Variants in PSG11 observed in about 807,000 individuals in gnomAD.
The protein encoded by PSG11 is pregnancy specific beta-1-glycoprotein 11.
Under a neutral mutation model 36.0 loss-of-function variants are expected in PSG11, and 42 were observed. That is an observed-to-expected ratio of 1.17 (90% CI 0.91 to 1.51). The LOEUF (loss-of-function observed/expected upper bound fraction) is 1.51. Among genes scored for constraint, PSG11 ranks in the 40% most tolerant of loss-of-function variants. The pLI is 0.00. For synonymous variants in PSG11, 206 were observed against 153.5 expected, an observed-to-expected ratio of 1.34 and a Z score of -2.53; for missense variants, 558 against 403.5, an observed-to-expected ratio of 1.38 and a Z score of -3.28.
At chr19:43,024,146 G>A (rs142830601) in intron 2 of PSG11, among the ~76,000 whole-genome samples, 6,940 of 151,356 alleles carry the variant, frequency 0.046, 777 homozygotes, top group African/African-American at 0.16. Context: ...GGCTCTGAGG[G>A]CTGAGCCCTG....
At chr19:43,024,544 G>A (rs943032958) in intron 2 of PSG11, 147 bp downstream of exon 2, 2 of 1,457,614 alleles carry the variant, frequency 1.4e-6, no homozygotes, top group Non-Finnish European at 1.9e-6. Context: ...TCTCCTCTGT[G>A]TGTGTCCTGC....
At chr19:43,022,949 G>C (rs1253599423) in intron 2 of PSG11, among the ~76,000 whole-genome samples, 1 of 150,652 alleles carries the variant, frequency 6.6e-6, no homozygotes, top group East Asian at 2.0e-4. Context: ...AAGCTGTGCA[G>C]GACAGGGCTT....
chr19:43,019,150 G>T, intron 2 of PSG11, 102 bp from the exon 3 acceptor site: 1 of 1,538,810 alleles, frequency 6.5e-7, no homozygotes. Flanking sequence ...CAGCCCACCC[G>T]AGTCCCTAAA....
Position 43,007,688 on chromosome 19 carries a change from C to T in PSG11, c.*395G>A, listed in dbSNP as rs2122775805. The stretch of plus-strand genomic sequence containing the variant: ...GTGCAAATAACTTTATTACCATAAA[C>T]ATATGAATATTCATGAATAGATTCC... On this transcript the variant is annotated 3_prime_UTR_variant, in exon 6 of 6. Coordinates refer to ENST00000320078, the MANE Select transcript of PSG11 (RefSeq NM_002785.3). 1 of 171,208 alleles carries T rather than the reference C, an allele frequency of 5.8e-6. No homozygotes were observed. Among genetic ancestry groups the T allele is most frequent in the African/African-American group, 2.4e-5 (1 of 41,958 alleles). The allele number at this position is 171,208 out of a possible 1,614,324, so 10.6% of individuals were successfully genotyped here.
At chr19:43,012,082 A>G (rs189176959) in intron 4 of PSG11, among the ~76,000 whole-genome samples, 16 of 151,550 alleles carry the variant, frequency 1.1e-4, no homozygotes, top group African/African-American at 3.6e-4. Context: ...GATTCAATCC[A>G]TAAAAGCATT....
rs768396527 is a variant in PSG11, at chr19:43,015,098, A to T, written c.964+18T>A. On this transcript the variant is annotated intron_variant, in intron 4 of 5. Transcript: ENST00000320078. ...TCCACCTAAAACCCTATTGCCAAGG[A>T]TGCTGGGATCCACTTACCAATGACT... 3 of 1,611,560 alleles carry T rather than the reference A, an allele frequency of 1.9e-6. No homozygotes were observed. In the East Asian group the frequency reaches 6.7e-5, roughly 36 times the overall value.
chr19:43,023,134 A>G (rs1967144147), intron 2 of PSG11, among the ~76,000 whole-genome samples: 1 of 150,308 alleles, frequency 6.7e-6, no homozygotes, highest in South Asian at 2.1e-4. Context: ...GTGGCCAAAG[A>G]GCTTCAGAGT....
chr19:43,010,301 G>T lies in PSG11; in HGVS notation c.965-260C>A, dbSNP rs539892322. ...TGGAAGGCTTTCAGACGTGAGAAAG[G>T]CTGATTGCTATTTTCTATGTCATTG... is the stretch of plus-strand genomic sequence containing the variant. On this transcript the variant is annotated intron_variant, in intron 4 of 5. Transcript: ENST00000320078. 1.5e-4 allele frequency: 218 copies of T among 1,494,076 alleles called. 4 individuals carry two copies. Among genetic ancestry groups the T allele is most frequent in the Admixed American group, 3.7e-4 (16 of 42,886 alleles). The allele number at this position is 1,494,076 out of a possible 1,614,324, so 92.6% of individuals were successfully genotyped here.
At chr19:43,017,886 C>A (rs748354984) in intron 3 of PSG11, among the ~76,000 whole-genome samples, 38 of 151,426 alleles carry the variant, frequency 2.5e-4, no homozygotes, top group Admixed American at 4.0e-4. Context: ...AATTGAAATT[C>A]TTTCCTTAAT....
rs557194777 is a variant in PSG11, at chr19:43,026,097, A to G, written c.64+212T>C. 3.9e-4 allele frequency among the ~76,000 whole-genome samples: 58 copies of G among 149,950 alleles called. 3 individuals carry two copies. Among genetic ancestry groups the G allele is most frequent in the African/African-American group, 1.4e-3 (55 of 40,498 alleles). On this transcript the variant is annotated intron_variant, in intron 1 of 5. Coordinates refer to ENST00000320078, the MANE Select transcript of PSG11 (RefSeq NM_002785.3). The stretch of plus-strand genomic sequence containing the variant: ...GCTAGGATTACAGGAGCACACCACC[A>G]TACCTGGTTAATTTTTTGTACTTTT...
intron 2 of PSG11, among the ~76,000 whole-genome samples, chr19:43,023,490 G>A (rs1034869043): frequency 1.2e-4 from 18 of 151,042 alleles, no homozygotes; most frequent in African/African-American, 4.2e-4. Context: ...TGAGGGGGAG[G>A]CCTGGACATT....
chr19:43,026,082 C>T (rs1375619196), intron 1 of PSG11, among the ~76,000 whole-genome samples: 1 of 149,874 alleles, frequency 6.7e-6, no homozygotes, highest in Non-Finnish European at 1.5e-5. Context: ...GCTAGGATTA[C>T]AGGAGCACAC....
At position 43,018,300 on chromosome 19, in the gene PSG11, G is replaced by A. The variant is rs181121762; in HGVS notation, c.709+470C>T. 50 of 230,164 alleles carry A rather than the reference G, an allele frequency of 2.2e-4. 1 individual carries two copies. Among genetic ancestry groups the A allele is most frequent in the African/African-American group, 1.1e-3 (48 of 43,994 alleles). The allele number at this position is 230,164 out of a possible 1,614,324, so 14.3% of individuals were successfully genotyped here. A position where few individuals can be genotyped will look rare whatever the true frequency, so the allele number is the denominator to read the frequency against. Reference sequence around the variant, plus strand: ...CAGTGGGTGAGTGTCTATGAGACAGGAGAGCTTGGGGACTTCCCCTGTATG... The same window carrying A: ...CAGTGGGTGAGTGTCTATGAGACAGAAGAGCTTGGGGACTTCCCCTGTATG... On this transcript the variant is annotated intron_variant, in intron 3 of 5. Coordinates refer to ENST00000320078, the MANE Select transcript of PSG11 (RefSeq NM_002785.3).
rs866445854 is a variant in PSG11 at position 43,021,270 on chromosome 19, A to G, written c.431-2222T>C. On this transcript the variant is annotated intron_variant, in intron 2 of 5. Coordinates refer to ENST00000320078, the MANE Select transcript of PSG11 (RefSeq NM_002785.3). ...TCCTGTTTCAGTTTTGGAAATTTCTATTGACACATCCTCAAGCTAGGGATT... is the reference window on the plus strand; with the variant it reads ...TCCTGTTTCAGTTTTGGAAATTTCTGTTGACACATCCTCAAGCTAGGGATT... Among the ~76,000 whole-genome samples, 3 of 151,312 alleles carry G rather than the reference A, an allele frequency of 2.0e-5. 1 individual carries two copies. The highest frequency in any genetic ancestry group is 6.6e-5 in the Admixed American group (1 of 15,158).
At chr19:43,010,649 C>G (rs1440190744) in intron 4 of PSG11, 1 of 267,804 alleles carries the variant, frequency 3.7e-6, no homozygotes, top group African/African-American at 2.3e-5. Flanking sequence ...TTCTTTTTCA[C>G]AGGAATCAGC....
At chr19:43,024,645 G>A (rs964650713) in intron 2 of PSG11, 46 bp downstream of exon 2, 5 of 1,609,326 alleles carry the variant, frequency 3.1e-6, no homozygotes, top group African/African-American at 1.3e-5. Context: ...TGATGTAGAA[G>A]TGACCCCTGT....
At position 43,007,822 on chromosome 19, in the gene PSG11, A is replaced by G. The variant is rs1169721392; in HGVS notation, c.*261T>C. On this transcript the variant is annotated 3_prime_UTR_variant, in exon 6 of 6. Transcript: ENST00000320078. ...AATTCATAAATCTGGAGGATAAAAC[A>G]TTCAAAAAATCAGCACATTTTCCAA... 9.8e-6 allele frequency: 3 copies of G among 305,344 alleles called. No individual in the cohort carries two copies. Among genetic ancestry groups the G allele is most frequent in the Non-Finnish European group, 1.9e-5 (3 of 157,118 alleles). The allele number at this position is 305,344 out of a possible 1,614,324, so 18.9% of individuals were successfully genotyped here.
At chr19:43,021,955 A>T (rs1967111628) in intron 2 of PSG11, among the ~76,000 whole-genome samples, 1 of 151,436 alleles carries the variant, frequency 6.6e-6, no homozygotes, top group African/African-American at 2.4e-5. Context: ...ATCTAGTCTC[A>T]GGCTGGCTGT....
At chr19:43,010,966 CTAAA>C (rs1453351567) in intron 4 of PSG11, among the ~76,000 whole-genome samples, 1 of 149,962 alleles carries the variant, frequency 6.7e-6, no homozygotes, top group Non-Finnish European at 1.5e-5. Flanking sequence ...AGGCCCTGTG[CTAAA>C]TACTTTACCT....
Sources: gnomAD v4.1 joint callset for allele counts (sites outside exome capture counted in the v4.1 genomes callset) on GRCh38, gnomAD v4.1.1 for gene constraint, MANE v1.5 for transcripts, NCBI Gene and HGNC (gene_info 2026-07-23, HGNC 2026-07-21) for gene names.